CDYL: variants seen among roughly 807,000 people sequenced by gnomAD.
CDYL encodes the protein chromodomain Y-like protein.
CDYL carries 8 observed loss-of-function variants against 47.3 expected under a neutral mutation model. The observed-to-expected ratio is 0.17, with a 90% CI of 0.10 to 0.31. The LOEUF is 0.31. Ranked by LOEUF, CDYL falls within the 10% of genes least tolerant of loss-of-function variation. The probability of loss-of-function intolerance (pLI) is 1.00; values close to 1 mark genes in which losing one functional copy is unlikely to be tolerated. For synonymous variants in CDYL, 266 were observed against 265.0 expected (o/e 1.00, Z -0.04); for missense variants, 471 against 701.4 (o/e 0.67, Z 3.71).
At position 4,828,709 on chromosome 6, in the gene CDYL, C is replaced by G. The variant is rs904675396; in HGVS notation, c.24+51902C>G. 3.3e-5 allele frequency among the ~76,000 whole-genome samples: 5 copies of G among 152,024 alleles called. No individual in the cohort carries two copies. In the South Asian group the frequency reaches 1.0e-3, roughly 32 times the overall value. ...TTATTTATTTAGATAATCACTTTGT[C>G]CCTTTCTTTTCTCCCAAGTCTTCCA... is the stretch of plus-strand genomic sequence containing the variant. On this transcript the variant is annotated intron_variant, in intron 1 of 6. Coordinates refer to ENST00000397588, the MANE Select transcript of CDYL (RefSeq NM_004824.4).
intron 1 of CDYL, among the ~76,000 whole-genome samples, chr6:4,780,239 CT>C (rs1395703523): frequency 2.5e-4 from 36 of 145,512 alleles, no homozygotes; most frequent in Admixed American, 9.6e-4. Context: ...CTTTCTTTCT[CT>C]TTTTTTTTTT....
intron 5 of CDYL, among the ~76,000 whole-genome samples, chr6:4,951,167 T>G (rs1758691282): frequency 1.3e-5 from 2 of 152,160 alleles, no homozygotes; most frequent in African/African-American, 2.4e-5. Flanking sequence ...AACTGTCTTT[T>G]GTGATTTTGC....
chr6:4,755,304 C>T (rs1204890381), intron 3 of CDYL, among the ~76,000 whole-genome samples: 2 of 151,930 alleles, frequency 1.3e-5, no homozygotes, highest in African/African-American at 4.8e-5. Flanking sequence ...CTCCTGACCT[C>T]AGGTGATCCA....
At chr6:4,950,734 C>T (rs1758673515) in intron 5 of CDYL, among the ~76,000 whole-genome samples, 1 of 152,050 alleles carries the variant, frequency 6.6e-6, no homozygotes, top group East Asian at 1.9e-4. Flanking sequence ...CGAGACCATC[C>T]TGGCTAACAC....
intron 1 of CDYL, among the ~76,000 whole-genome samples, chr6:4,813,636 T>C (rs1341461326): frequency 1.3e-5 from 2 of 152,244 alleles, no homozygotes; most frequent in Non-Finnish European, 2.9e-5. Context: ...TGTGTATATG[T>C]GCACATGCTG....
At chr6:4,854,751 C>T (rs1045867086) in intron 1 of CDYL, among the ~76,000 whole-genome samples, 5 of 152,182 alleles carry the variant, frequency 3.3e-5, no homozygotes, top group African/African-American at 9.7e-5. Flanking sequence ...CAGGAGTCAG[C>T]CCCCAGGGTG....
rs113953462 is a variant in CDYL, at chr6:4,938,221, G to T, written c.1121+484G>T. On this transcript the variant is annotated intron_variant, in intron 4 of 6. Transcript: ENST00000397588. ...ACCACATGGAGAGTTTTGTTTTTTGGTTTTTTTTGTTGTTTTTTTTTTTTG... is the reference window on the plus strand; with the variant it reads ...ACCACATGGAGAGTTTTGTTTTTTGTTTTTTTTTGTTGTTTTTTTTTTTTG... Among the ~76,000 whole-genome samples, 518 of 145,030 alleles carry T rather than the reference G, an allele frequency of 3.6e-3. 2 individuals are homozygous for T. Among genetic ancestry groups the T allele is most frequent in the African/African-American group, 8.1e-3 (321 of 39,502 alleles).
chr6:4,943,856 A>T (rs1758435050), intron 5 of CDYL, 100 bp downstream of exon 5: 2 of 854,322 alleles, frequency 2.3e-6, no homozygotes, highest in East Asian at 5.1e-5. Flanking sequence ...ACAGTGTGTC[A>T]TTCTGTGGGG....
intron 1 of CDYL, among the ~76,000 whole-genome samples, chr6:4,812,785 A>G (rs569965692): frequency 2.0e-5 from 3 of 151,982 alleles, no homozygotes; most frequent in African/African-American, 4.8e-5. Flanking sequence ...GAGACTAGGT[A>G]TGTGAAGTGT....
chr6:4,937,467 A>G (rs1348968199), intron 3 of CDYL, 98 bp from the exon 4 acceptor site: 4 of 967,828 alleles, frequency 4.1e-6, no homozygotes, highest in South Asian at 4.2e-5. Flanking sequence ...CTGCACGCCA[A>G]CCTGAGCAAC....
chr6:4,754,002 T>C (rs1030878963), intron 3 of CDYL, among the ~76,000 whole-genome samples: 1 of 152,146 alleles, frequency 6.6e-6, no homozygotes, highest in Non-Finnish European at 1.5e-5. Context: ...GACTTGTTTT[T>C]AAAAATTAAT....
chr6:4,954,097 CAGG>C lies in CDYL; in HGVS notation c.*44_*46del, dbSNP rs765009075. On this transcript the variant is annotated 3_prime_UTR_variant, in exon 7 of 7. Transcript: ENST00000397588. ...CTGGTGACACCGGGATCGGGCTGAG[CAGG>C]AGAACATCACCGGCTCCAGTTCCCC... 15 of 1,584,124 alleles carry C rather than the reference CAGG, an allele frequency of 9.5e-6. No individual in the cohort carries two copies. The African/African-American group carries it at 1.6e-4, about 17-fold the overall frequency.
rs77209047 is a variant in CDYL at position 4,757,044 on chromosome 6, T to C, written c.186+22200T>C. ...CTTGTGTGAGCATAAGTGATTGGTA[T>C]GAGTCACCATTGTACCTATAACTGA... On this transcript the variant is annotated intron_variant, in intron 3 of 8. Coordinates refer to the CDYL transcript ENST00000328908. 7.2e-3 allele frequency among the ~76,000 whole-genome samples: 1,097 copies of C among 152,338 alleles called. 13 individuals carry two copies. Among genetic ancestry groups the C allele is most frequent in the African/African-American group, 0.025 (1,047 of 41,562 alleles).
At chr6:4,715,744 G>A in exon 2 of CDYL, 1 of 1,612,198 alleles carries the variant, frequency 6.2e-7, no homozygotes, top group Non-Finnish European at 8.5e-7. Context: ...ATTGCAGGTG[G>A]TCATCAGAGA....
At position 4,776,641 on chromosome 6, in the gene CDYL, G is replaced by A; in HGVS notation, c.-143G>A. 1 of 613,438 alleles carries A rather than the reference G, an allele frequency of 1.6e-6. No homozygotes were observed. The highest frequency in any genetic ancestry group is 6.1e-4 in the Middle Eastern group (1 of 1,634). 38.0% of individuals were successfully genotyped at this position (613,438 alleles called of 1,614,324 possible). On this transcript the variant is annotated 5_prime_UTR_variant, in exon 1 of 7. Coordinates refer to ENST00000397588, the MANE Select transcript of CDYL (RefSeq NM_004824.4). Reference sequence around the variant, plus strand: ...CCCGCACTGGCCGCGGAGTGCAAGAGGCTCGTCCGTGCCCAGCGCCCGGCC... The same window carrying A: ...CCCGCACTGGCCGCGGAGTGCAAGAAGCTCGTCCGTGCCCAGCGCCCGGCC...
chr6:4,849,948 AG>A (rs1760775783), intron 1 of CDYL, among the ~76,000 whole-genome samples: 1 of 57,046 alleles, frequency 1.8e-5, no homozygotes, highest in Non-Finnish European at 3.5e-5. Flanking sequence ...GTGGGGAGGG[AG>A]GGGGGCAGTT....
upstream of CDYL, among the ~76,000 whole-genome samples, chr6:4,775,731 C>G (rs1758420788): frequency 2.0e-5 from 3 of 148,112 alleles, no homozygotes; most frequent in South Asian, 6.2e-4. This position sits in a 1 kb window ranked among gnomAD's most constrained non-coding sequence, Gnocchi z 7.0. Flanking sequence ...CCCCGCGGGG[C>G]GCGCGGCCCG....
intron 1 of CDYL, among the ~76,000 whole-genome samples, chr6:4,831,111 A>G (rs1447513266): frequency 2.0e-5 from 3 of 152,164 alleles, no homozygotes; most frequent in Non-Finnish European, 4.4e-5. Context: ...TCCTTTGGGT[A>G]TATCCCCAGT....
intron 2 of CDYL, among the ~76,000 whole-genome samples, chr6:4,906,156 T>G (rs1215068451): frequency 1.3e-5 from 2 of 152,228 alleles, no homozygotes; most frequent in East Asian, 3.8e-4. Flanking sequence ...GGGCGGATGA[T>G]ATGACTTTTA....
Sources: allele counts gnomAD v4.1 joint callset (sites outside exome capture counted in the v4.1 genomes callset), GRCh38; gene constraint gnomAD v4.1.1; non-coding constraint Gnocchi (gnomAD v3.1); transcripts MANE v1.5; gene names NCBI Gene and HGNC (gene_info 2026-07-23, HGNC 2026-07-21).